ACVR1: variants seen among roughly 807,000 people sequenced by gnomAD.
The protein encoded by ACVR1 is activin A receptor type 1, also known as activin receptor type-1.
A neutral mutation model predicts 57.1 loss-of-function variants in ACVR1; 38 were observed. That is an observed-to-expected ratio of 0.67 (90% confidence interval 0.51 to 0.87). ACVR1 has a LOEUF of 0.87. Among genes scored for constraint, ACVR1 ranks in the 40% least tolerant of loss-of-function variants. The pLI is 0.00. For missense variants in ACVR1, 463 were observed against 638.2 expected (o/e 0.73, Z 2.96); for synonymous variants, 212 against 228.1 (o/e 0.93, Z 0.63).
At chr2:157,765,265 A>C (rs1267534683) in intron 8 of ACVR1, among the ~76,000 whole-genome samples, 2 of 152,172 alleles carry the variant, frequency 1.3e-5, no homozygotes, top group Non-Finnish European at 2.9e-5. Flanking sequence ...TTCGGGGATT[A>C]TTTTCCTATT....
chr2:157,842,690 T>G (rs71421051), intron 1 of ACVR1, among the ~76,000 whole-genome samples: 1 of 152,156 alleles, frequency 6.6e-6, no homozygotes, highest in Non-Finnish European at 1.5e-5. Flanking sequence ...TATTTAAGGT[T>G]CAAAGATGAT....
chr2:157,864,737 A>C (rs905847773), intron 1 of ACVR1, among the ~76,000 whole-genome samples: 4 of 152,182 alleles, frequency 2.6e-5, no homozygotes, highest in Admixed American at 6.5e-5. Flanking sequence ...ATCAAAAGCT[A>C]CCTCTTATGG....
At position 157,834,875 on chromosome 2, in the gene ACVR1, A is replaced by C. The variant is rs1688723930; in HGVS notation, c.-182-16316T>G. ...TTAGTCCCCTTATAAGAGAGACCCCAGATAGCTACCTTATCCCTTCCACCA... is the reference window on the plus strand; with the variant it reads ...TTAGTCCCCTTATAAGAGAGACCCCCGATAGCTACCTTATCCCTTCCACCA... On this transcript the variant is annotated intron_variant, in intron 1 of 10. Coordinates refer to ENST00000434821, the MANE Select transcript of ACVR1 (RefSeq NM_001111067.4). Among the ~76,000 whole-genome samples the C allele has an allele frequency of 1.3e-5, 2 of 152,116 alleles. 1 individual carries two copies. The highest frequency in any genetic ancestry group is 4.1e-4 in the South Asian group (2 of 4,822).
At chr2:157,848,124 T>C (rs1689179450) in intron 1 of ACVR1, among the ~76,000 whole-genome samples, 5 of 152,148 alleles carry the variant, frequency 3.3e-5, no homozygotes, top group Admixed American at 3.3e-4. Context: ...GAATGAAGTA[T>C]AGCTTTGATT....
chr2:157,781,896 G>A (rs1382288563), intron 3 of ACVR1, among the ~76,000 whole-genome samples: 1 of 152,178 alleles, frequency 6.6e-6, no homozygotes, highest in Non-Finnish European at 1.5e-5. Context: ...CACTTTTGCC[G>A]AAGCACTGTT....
chr2:157,753,123 T>C (rs1685272706), intron 9 of ACVR1, among the ~76,000 whole-genome samples: 1 of 152,166 alleles, frequency 6.6e-6, no homozygotes, highest in Non-Finnish European at 1.5e-5. Flanking sequence ...TGAAAAGATA[T>C]TCCATGCAAA....
rs556868229 is a variant in ACVR1 at position 157,741,145 on chromosome 2, AT to A, written c.1265-2576del. Among the ~76,000 whole-genome samples, 8 of 151,356 alleles carry A rather than the reference AT, an allele frequency of 5.3e-5. No individual in the cohort carries two copies. In the East Asian group the frequency reaches 9.7e-4, roughly 18 times the overall value. ...AGTGGAAGAGCAGGACAAGTCTCTC[AT>A]TTTTTTTTCCCTGAGACAATGGAAA... On this transcript the variant is annotated intron_variant, in intron 9 of 10. Transcript: ENST00000434821.
intron 3 of ACVR1, among the ~76,000 whole-genome samples, chr2:157,798,025 G>A (rs13020848): frequency 0.01 from 1,562 of 152,264 alleles, 10 homozygotes; most frequent in Middle Eastern, 0.034. Context: ...CTCCAGGACT[G>A]TGAGAAATAA....
At chr2:157,790,880 A>G (rs531104072) in intron 3 of ACVR1, among the ~76,000 whole-genome samples, 3 of 152,202 alleles carry the variant, frequency 2.0e-5, no homozygotes, top group Non-Finnish European at 4.4e-5. Flanking sequence ...TGCCTTCAGG[A>G]TAGAAGACAA....
chr2:157,751,024 C>A (rs1441783296), intron 9 of ACVR1, among the ~76,000 whole-genome samples: 1 of 152,130 alleles, frequency 6.6e-6, no homozygotes, highest in Non-Finnish European at 1.5e-5. Flanking sequence ...GCTCCAATAA[C>A]TACTCCAGGA....
At chr2:157,803,615 A>T (rs1306357583) in intron 2 of ACVR1, among the ~76,000 whole-genome samples, 1 of 152,214 alleles carries the variant, frequency 6.6e-6, no homozygotes, top group African/African-American at 2.4e-5. Flanking sequence ...TTAAAAGTAA[A>T]ATTTCAACTC....
rs774031962 is a variant in ACVR1 at position 157,737,098 on chromosome 2, G to T, written c.*433C>A. The T allele has an allele frequency of 1.0e-5, 3 of 296,772 alleles. No homozygotes were observed. The highest frequency in any genetic ancestry group is 4.2e-5 in the African/African-American group (2 of 47,956). The allele number at this position is 296,772 out of a possible 1,614,324, so 18.4% of individuals were successfully genotyped here. ...TAACAGTGCAAGTAAGGAATGCAAA[G>T]AATTCCTAGTGCAATAAAGAAGAGA... On this transcript the variant is annotated 3_prime_UTR_variant, in exon 11 of 11. Coordinates refer to ENST00000434821, the MANE Select transcript of ACVR1 (RefSeq NM_001111067.4).
At chr2:157,844,879 T>C (rs1267153288) in intron 1 of ACVR1, among the ~76,000 whole-genome samples, 1 of 152,126 alleles carries the variant, frequency 6.6e-6, no homozygotes, top group East Asian at 1.9e-4. Context: ...CCTTCCACCA[T>C]GTGAGAACAC....
In ACVR1 at chr2:157,776,935, C is replaced by A. The variant is rs545372584; in HGVS notation, c.543+1196G>T. Among the ~76,000 whole-genome samples the A allele has an allele frequency of 3.3e-5, 5 of 152,334 alleles. No homozygotes were observed. In the South Asian group the frequency reaches 1.0e-3, roughly 32 times the overall value. On this transcript the variant is annotated intron_variant, in intron 5 of 10. Transcript: ENST00000434821. ...ATTAGAAAGTTATTACTTTGATTGT[C>A]TTTCAATTAATCGGATTGTGACAAG... is the stretch of plus-strand genomic sequence containing the variant.
intron 1 of ACVR1, among the ~76,000 whole-genome samples, chr2:157,830,672 A>G (rs1258997710): frequency 1.3e-5 from 2 of 152,014 alleles, no homozygotes; most frequent in Admixed American, 1.3e-4. Context: ...CTAACAATGT[A>G]ATATTACTGG....
intron 1 of ACVR1, among the ~76,000 whole-genome samples, chr2:157,825,468 C>T (rs758500583): frequency 2.6e-5 from 4 of 152,078 alleles, no homozygotes; most frequent in Non-Finnish European, 4.4e-5. Flanking sequence ...GGAACCCGGC[C>T]GCACAGCAGA....
intron 3 of ACVR1, among the ~76,000 whole-genome samples, chr2:157,786,690 T>G (rs537343824): frequency 6.6e-6 from 1 of 152,330 alleles, no homozygotes; most frequent in South Asian, 2.1e-4. Flanking sequence ...ATTTAATACA[T>G]TAATAGAACA....
chr2:157,873,084 TTTTC>T (rs759830465), intron 1 of ACVR1, among the ~76,000 whole-genome samples: 3 of 152,248 alleles, frequency 2.0e-5, no homozygotes, highest in Non-Finnish European at 2.9e-5. Context: ...CTTTAGGTTC[TTTTC>T]TTTAAGTGAA....
chr2:157,843,075 G>T (rs190119337), intron 1 of ACVR1, among the ~76,000 whole-genome samples: 3 of 152,266 alleles, frequency 2.0e-5, no homozygotes, highest in Admixed American at 2.0e-4. Flanking sequence ...GAATTTGGAG[G>T]TAGAGGCCTT....
Sources: gnomAD v4.1 joint callset for allele counts (sites outside exome capture counted in the v4.1 genomes callset) on GRCh38, gnomAD v4.1.1 for gene constraint, MANE v1.5 for transcripts, NCBI Gene and HGNC (gene_info 2026-07-23, HGNC 2026-07-21) for gene names.